Variants in TMEM260 observed in about 807,000 individuals in gnomAD.
The protein encoded by TMEM260 is transmembrane protein 260.
A neutral mutation model predicts 88.9 loss-of-function variants in TMEM260; 82 were observed. The ratio of observed to expected loss-of-function variants is 0.92; its 90% confidence interval spans 0.77 to 1.11. The LOEUF is 1.11. Ranked by LOEUF, TMEM260 falls within the 50% of genes least tolerant of loss-of-function variation. TMEM260 has a pLI of 0.00. For synonymous variants in TMEM260, 314 were observed against 309.3 expected (o/e 1.02, Z -0.16); for missense variants, 902 against 853.4 (o/e 1.06, Z -0.71).
intron 11 of TMEM260, among the ~76,000 whole-genome samples, chr14:56,622,033 T>A (rs964771002): frequency 6.6e-6 from 1 of 152,148 alleles, no homozygotes; most frequent in African/African-American, 2.4e-5. Flanking sequence ...GTATGGTAAA[T>A]CTATTTTTAA....
downstream of TMEM260, chr14:56,650,115 CTGACCCCCGACATTG>C: frequency 2.2e-6 from 1 of 455,658 alleles, no homozygotes; most frequent in South Asian, 1.6e-5. Context: ...TTCCTGTAGT[CTGACCCCCGACATTG>C]AGGAGACTGT....
rs10146262 is a variant in TMEM260, at chr14:56,636,258, T to C, written c.1779-250T>C. The stretch of plus-strand genomic sequence containing the variant: ...ACATACATTTGGAGGATGAACAATG[T>C]ATAATAGTGATAAGTGTAAGCTTTT... On this transcript the variant is annotated intron_variant, in intron 14 of 15. Coordinates refer to ENST00000261556, the MANE Select transcript of TMEM260 (RefSeq NM_017799.4). 3.1e-3 allele frequency among the ~76,000 whole-genome samples: 466 copies of C among 151,036 alleles called. 2 individuals carry two copies. The highest frequency in any genetic ancestry group is 0.011 in the African/African-American group (445 of 40,796).
In TMEM260 at chr14:56,647,539, A is replaced by G; in HGVS notation, c.*42A>G. The G allele has an allele frequency of 6.5e-7, 1 of 1,544,262 alleles. No individual in the cohort carries two copies. The highest frequency in any genetic ancestry group is 8.7e-7 in the Non-Finnish European group (1 of 1,154,670). ...AAACCTGCTCATCGTTCAGCTTCCA[A>G]AATTCTGAAGTCTGGAAGTTTTTCC... On this transcript the variant is annotated 3_prime_UTR_variant, in exon 16 of 16. Transcript: ENST00000261556.
chr14:56,587,423 G>A (rs1395583981), intron 3 of TMEM260, among the ~76,000 whole-genome samples: 2 of 151,806 alleles, frequency 1.3e-5, no homozygotes, highest in East Asian at 1.9e-4. Flanking sequence ...GTAAATAAAA[G>A]TCTTAAAAAT....
rs543997394 is a variant in TMEM260, at chr14:56,596,646, C to G, written c.345-7169C>G. ...GGCGTGGTGGTGCATGCCTGTAATCCCAGCCACTTGGGAGGCTGAGGCAGG... is the reference window on the plus strand; with the variant it reads ...GGCGTGGTGGTGCATGCCTGTAATCGCAGCCACTTGGGAGGCTGAGGCAGG... On this transcript the variant is annotated intron_variant, in intron 3 of 15. Coordinates refer to ENST00000261556, the MANE Select transcript of TMEM260 (RefSeq NM_017799.4). Among the ~76,000 whole-genome samples, 426 of 149,502 alleles carry G rather than the reference C, an allele frequency of 2.8e-3. 4 individuals carry two copies. Among genetic ancestry groups the G allele is most frequent in the African/African-American group, 1.0e-2 (409 of 40,912 alleles).
In TMEM260 at chr14:56,644,094, T is replaced by C. The variant is rs1399265985; in HGVS notation, c.1870-3149T>C. Among the ~76,000 whole-genome samples, 15 of 152,274 alleles carry C rather than the reference T, an allele frequency of 9.9e-5. 1 individual carries two copies. Among genetic ancestry groups the C allele is most frequent in the Middle Eastern group, 3.4e-3 (1 of 294 alleles). ...TGGCCATACTGCCCAAGGTAATTTA[T>C]AGATTCAATGCCATCCCCATCAAGC... On this transcript the variant is annotated intron_variant, in intron 15 of 15. Coordinates refer to ENST00000261556, the MANE Select transcript of TMEM260 (RefSeq NM_017799.4).
chr14:56,615,652 G>T (rs1368444048), intron 7 of TMEM260: 1 of 244,344 alleles, frequency 4.1e-6, no homozygotes, highest in African/African-American at 2.2e-5. Context: ...AAACCAGTCG[G>T]GGATATTCTA....
Position 56,629,902 on chromosome 14 carries a change from G to C in TMEM260, c.1548-3093G>C, listed in dbSNP as rs116208155. Among the ~76,000 whole-genome samples, 1,377 of 152,138 alleles carry C rather than the reference G, an allele frequency of 9.1e-3. 17 individuals are homozygous for C. The highest frequency in any genetic ancestry group is 0.031 in the African/African-American group (1,286 of 41,516). ...AATAAAAATAAAAAATTAGCTGGACGTGGTGGTACACACCTGTGGTCCCAA... is the reference window on the plus strand; with the variant it reads ...AATAAAAATAAAAAATTAGCTGGACCTGGTGGTACACACCTGTGGTCCCAA... On this transcript the variant is annotated intron_variant, in intron 12 of 15. Transcript: ENST00000261556.
At position 56,596,436 on chromosome 14, in the gene TMEM260, A is replaced by G. The variant is rs1886232823; in HGVS notation, c.345-7379A>G. ...TATATATATATATATACATACACAC[A>G]CATATACATATATATAGAGAGATAT... On this transcript the variant is annotated intron_variant, in intron 3 of 15. Transcript: ENST00000261556. Among the ~76,000 whole-genome samples, 4 of 148,268 alleles carry G rather than the reference A, an allele frequency of 2.7e-5. No homozygotes were observed. In the South Asian group the frequency reaches 8.5e-4, roughly 31 times the overall value.
chr14:56,647,613 G>C lies in TMEM260; in HGVS notation c.*116G>C. On this transcript the variant is annotated 3_prime_UTR_variant, in exon 16 of 16. Transcript: ENST00000261556. ...AAATTTAAAACTAAGTCATCTCCCA[G>C]ATATAAGTATCATGGTCCAGCAGTA... 1.7e-6 allele frequency: 2 copies of C among 1,163,870 alleles called. No individual in the cohort carries two copies. The highest frequency in any genetic ancestry group is 2.4e-6 in the Non-Finnish European group (2 of 849,784). 72.1% of individuals were successfully genotyped at this position (1,163,870 alleles called of 1,614,324 possible).
chr14:56,588,962 C>T (rs1274854912), intron 3 of TMEM260, among the ~76,000 whole-genome samples: 1 of 151,720 alleles, frequency 6.6e-6, no homozygotes, highest in Non-Finnish European at 1.5e-5. Flanking sequence ...TTCACAAATC[C>T]TATTAATATA....
chr14:56,649,545 T>C (rs758390761), downstream of TMEM260: 6 of 152,202 alleles, frequency 3.9e-5, no homozygotes, highest in African/African-American at 1.2e-4. Flanking sequence ...AGAAAAGAGA[T>C]TGCACATATG....
chr14:56,630,984 A>C (rs1285722989), intron 12 of TMEM260, among the ~76,000 whole-genome samples: 2 of 152,126 alleles, frequency 1.3e-5, no homozygotes, highest in African/African-American at 2.4e-5. Context: ...CGAGTGTGTG[A>C]GTTACTGGCA....
chr14:56,624,403 G>A (rs191796455), intron 11 of TMEM260, among the ~76,000 whole-genome samples: 19 of 152,188 alleles, frequency 1.2e-4, no homozygotes, highest in Admixed American at 3.3e-4. Context: ...GTGAAACCCC[G>A]TGTCTATCAA....
chr14:56,636,714 A>G (rs1889119191), intron 15 of TMEM260, 116 bp downstream of exon 15: 7 of 916,880 alleles, frequency 7.6e-6, no homozygotes, highest in South Asian at 3.3e-5. Context: ...ATTTCTCTCA[A>G]TTTGGGTGGT....
chr14:56,643,583 C>G (rs1319930356), intron 15 of TMEM260, among the ~76,000 whole-genome samples: 1 of 152,010 alleles, frequency 6.6e-6, no homozygotes, highest in Non-Finnish European at 1.5e-5. Context: ...GGAAACATTC[C>G]CTTTGAAAAC....
chr14:56,623,574 A>G (rs1490490035), intron 11 of TMEM260, among the ~76,000 whole-genome samples: 2 of 152,210 alleles, frequency 1.3e-5, no homozygotes, highest in South Asian at 2.1e-4. Flanking sequence ...TGAAGATTGC[A>G]TTAGTGAAAA....
Position 56,648,053 on chromosome 14 carries a change from A to G in TMEM260, c.*556A>G, listed in dbSNP as rs962165869. 1 of 151,994 alleles carries G rather than the reference A, an allele frequency of 6.6e-6. No homozygotes were observed. Among genetic ancestry groups the G allele is most frequent in the Non-Finnish European group, 1.5e-5 (1 of 68,022 alleles). The allele number at this position is 151,994 out of a possible 1,614,324, so 9.4% of individuals were successfully genotyped here. ...ATATTTTGAAAAAAGTTTGTGTTTT[A>G]CTGTCTTAGATCGTTCTTGGAAATC... is the stretch of plus-strand genomic sequence containing the variant. On this transcript the variant is annotated 3_prime_UTR_variant, in exon 16 of 16. Transcript: ENST00000261556.
intron 3 of TMEM260, among the ~76,000 whole-genome samples, chr14:56,602,174 G>A (rs1594830892): frequency 6.6e-6 from 1 of 152,214 alleles, no homozygotes; most frequent in Admixed American, 6.5e-5. Flanking sequence ...TAAAGTAATT[G>A]TTACAGACAA....
Sources: allele counts gnomAD v4.1 joint callset (sites outside exome capture counted in the v4.1 genomes callset), GRCh38; gene constraint gnomAD v4.1.1; transcripts MANE v1.5; gene names NCBI Gene and HGNC (gene_info 2026-07-23, HGNC 2026-07-21).